The following MAP3K19 variants were observed in gnomAD, a reference collection of about 807,000 sequenced individuals.
The protein encoded by MAP3K19 is SPS1/STE20-related protein kinase YSK4.
MAP3K19 carries 91 observed loss-of-function variants against 114.4 expected under a neutral mutation model. The observed-to-expected ratio is 0.80, with a 90% CI of 0.67 to 0.95. The LOEUF is 0.95. Among genes scored for constraint, MAP3K19 ranks in the 40% least tolerant of loss-of-function variants. MAP3K19 has a pLI of 0.00. For missense variants in MAP3K19, 1,471 were observed against 1,573.2 expected (o/e 0.94, Z 1.10); for synonymous variants, 518 against 530.5 (o/e 0.98, Z 0.32).
intron 2 of MAP3K19, among the ~76,000 whole-genome samples, chr2:135,038,262 T>C (rs1208359761): frequency 6.6e-6 from 1 of 152,096 alleles, no homozygotes; most frequent in Non-Finnish European, 1.5e-5. Context: ...AATTGTGGCA[T>C]ATATATACAT....
intron 5 of MAP3K19, among the ~76,000 whole-genome samples, chr2:135,006,580 C>T (rs576304309): frequency 3.3e-5 from 5 of 150,192 alleles, no homozygotes; most frequent in East Asian, 4.0e-4. Flanking sequence ...GAGGCTGAGG[C>T]GGGTGGATCA....
intron 5 of MAP3K19, among the ~76,000 whole-genome samples, chr2:135,011,180 C>T (rs1687197169): frequency 6.6e-6 from 1 of 152,080 alleles, no homozygotes; most frequent in Admixed American, 6.5e-5. Context: ...TCCATTTCTC[C>T]CTCAAAAAGG....
At position 134,978,189 on chromosome 2, in the gene MAP3K19, A is replaced by AT. The variant is rs113734947; in HGVS notation, c.3920+2631dup. Among the ~76,000 whole-genome samples the AT allele has an allele frequency of 3.1e-3, 431 of 137,182 alleles. 1 individual carries two copies. The highest frequency in any genetic ancestry group is 9.1e-3 in the East Asian group (23 of 2,540). The allele number at this position is 137,182 out of a possible 152,430, so 90.0% of individuals were successfully genotyped here. ...GACTGTAGCAATCAACCTTATAATG[A>AT]TTTTTTTTTTTTTTTGAGACAGAGT... is the stretch of plus-strand genomic sequence containing the variant. On this transcript the variant is annotated intron_variant, in intron 12 of 12. Transcript: ENST00000392915.
rs1187957592 is a variant in MAP3K19, at chr2:134,997,817, C to CAAAAAAA, written c.574+914_574+920dup. Among the ~76,000 whole-genome samples the CAAAAAAA allele has an allele frequency of 1.5e-3, 141 of 91,012 alleles. 4 individuals are homozygous for CAAAAAAA. Among genetic ancestry groups the CAAAAAAA allele is most frequent in the Non-Finnish European group, 2.2e-3 (101 of 45,622 alleles). The allele number at this position is 91,012 out of a possible 152,430, so 59.7% of individuals were successfully genotyped here. A position where few individuals can be genotyped will look rare whatever the true frequency, so the allele number is the denominator to read the frequency against. The stretch of plus-strand genomic sequence containing the variant: ...CTGGTGACAGAGCGAGACTCCGTCT[C>CAAAAAAA]AAAAAAAAAAAAACTTTAAGCACTG... On this transcript the variant is annotated intron_variant, in intron 8 of 12. Coordinates refer to ENST00000392915, the MANE Select transcript of MAP3K19 (RefSeq NM_025052.5).
rs1685264386 is a variant in MAP3K19 at position 134,987,782 on chromosome 2, A to C, written c.1090T>G (p.Ser364Ala). ...TTCTTTCTTGATGAAAGATATTGAG[A>C]GTTCTCTTCTTCAGGTTTTCGCGTT... is the stretch of plus-strand genomic sequence containing the variant. ...SKTRKPEEENSQYLSSRKNES... is the reference protein window; with the variant it reads ...SKTRKPEEENAQYLSSRKNES... The change falls in exon 10 of 13, where the codon TCT (serine) becomes GCT (alanine). Residue 364 changes from serine to alanine, a missense_variant. Coordinates refer to ENST00000392915, the MANE Select transcript of MAP3K19 (RefSeq NM_025052.5). 1 of 1,607,632 alleles carries C rather than the reference A, an allele frequency of 6.2e-7. No homozygotes were observed. Among genetic ancestry groups the C allele is most frequent in the Non-Finnish European group, 8.5e-7 (1 of 1,179,984 alleles).
intron 12 of MAP3K19, among the ~76,000 whole-genome samples, chr2:134,980,345 A>G (rs1301795968): frequency 6.6e-6 from 1 of 152,254 alleles, no homozygotes; most frequent in African/African-American, 2.4e-5. Context: ...ATAGGAGAGA[A>G]GATAAGGAAG....
intron 10 of MAP3K19, among the ~76,000 whole-genome samples, chr2:134,984,688 C>T (rs1461810801): frequency 1.3e-5 from 2 of 152,176 alleles, no homozygotes; most frequent in Non-Finnish European, 2.9e-5. Flanking sequence ...CGCCGTGGCT[C>T]ACGCCTGTAA....
chr2:135,010,692 A>G (rs1206855879), intron 5 of MAP3K19, among the ~76,000 whole-genome samples: 2 of 152,202 alleles, frequency 1.3e-5, no homozygotes, highest in Non-Finnish European at 2.9e-5. Context: ...CAGCAGCACA[A>G]TTATAGTTCA....
Position 134,964,732 on chromosome 2 carries a change from C to G in MAP3K19, c.*118G>C, listed in dbSNP as rs779272114. 1.3e-6 allele frequency: 1 copy of G among 762,926 alleles called. No individual in the cohort carries two copies. 47.3% of individuals were successfully genotyped at this position (762,926 alleles called of 1,614,324 possible). A position where few individuals can be genotyped will look rare whatever the true frequency, so the allele number is the denominator to read the frequency against. On this transcript the variant is annotated 3_prime_UTR_variant, in exon 13 of 13. Transcript: ENST00000392915. Reference sequence around the variant, plus strand: ...TCAGTTAATGACTCCATAGGATCTGCTTAAACTGGGTTAGACTGAATTTTC... The same window carrying G: ...TCAGTTAATGACTCCATAGGATCTGGTTAAACTGGGTTAGACTGAATTTTC...
At chr2:135,037,042 G>A (rs1335700619) in intron 2 of MAP3K19, among the ~76,000 whole-genome samples, 1 of 151,804 alleles carries the variant, frequency 6.6e-6, no homozygotes, top group Non-Finnish European at 1.5e-5. Flanking sequence ...TGTTGCCCAG[G>A]CTGGAGTGCA....
chr2:134,992,073 G>A (rs1325674503), intron 8 of MAP3K19, among the ~76,000 whole-genome samples: 1 of 152,152 alleles, frequency 6.6e-6, no homozygotes, highest in Non-Finnish European at 1.5e-5. Flanking sequence ...ATGCCTCCAG[G>A]AGAAAGATGA....
intron 5 of MAP3K19, among the ~76,000 whole-genome samples, chr2:135,008,820 A>G (rs1687015546): frequency 6.6e-6 from 1 of 152,030 alleles, no homozygotes; most frequent in Non-Finnish European, 1.5e-5. Flanking sequence ...ACTCTGGCAC[A>G]CAGGCTGGAA....
In MAP3K19 at chr2:134,987,715, A is replaced by G. The variant is rs889353724; in HGVS notation, c.1157T>C (p.Ile386Thr). The G allele has an allele frequency of 5.6e-6, 9 of 1,611,986 alleles. No individual in the cohort carries two copies. The highest frequency in any genetic ancestry group is 7.6e-6 in the Non-Finnish European group (9 of 1,180,010). ...GAACTTGCTTGGAATGGTACATACT[A>G]TTTCTGGATCTTGTTCATAGTTTTT... ...VAKNYEQDPE[I>T]VCTIPSKFQE... Residue 386 changes from isoleucine (I) to threonine (T), a missense_variant, in exon 10 of 13, where the codon ATA becomes ACA. Coordinates refer to ENST00000392915, the MANE Select transcript of MAP3K19 (RefSeq NM_025052.5).
chr2:135,011,356 A>T (rs1049709264), intron 5 of MAP3K19, among the ~76,000 whole-genome samples: 2 of 151,416 alleles, frequency 1.3e-5, no homozygotes, highest in African/African-American at 2.4e-5. Context: ...GCTAACACGG[A>T]GAAACCCCGT....
chr2:135,014,872 T>A (rs1480311021), intron 5 of MAP3K19, among the ~76,000 whole-genome samples: 1 of 152,240 alleles, frequency 6.6e-6, no homozygotes, highest in Admixed American at 6.5e-5. Context: ...TAATTTTAGA[T>A]CATTCACTCT....
At chr2:135,041,554 C>A (rs1574060500) in intron 1 of MAP3K19, among the ~76,000 whole-genome samples, 1 of 152,112 alleles carries the variant, frequency 6.6e-6, no homozygotes, top group Non-Finnish European at 1.5e-5. Context: ...GTCTCGAATT[C>A]CTGACCTCAG....
At chr2:134,985,688 C>G in intron 10 of MAP3K19, 112 bp downstream of exon 10, 8 of 977,620 alleles carry the variant, frequency 8.2e-6, no homozygotes, top group Non-Finnish European at 1.2e-5. Context: ...CTTGAAAAAA[C>G]TATTTAATTG....
chr2:134,973,911 T>C (rs1462961449), intron 12 of MAP3K19, among the ~76,000 whole-genome samples: 1 of 152,244 alleles, frequency 6.6e-6, no homozygotes, highest in Non-Finnish European at 1.5e-5. Context: ...TGTGAAAGAC[T>C]TTCTCCATTT....
intron 8 of MAP3K19, among the ~76,000 whole-genome samples, chr2:134,995,228 A>G (rs1047434787): frequency 1.3e-5 from 2 of 151,236 alleles, no homozygotes; most frequent in African/African-American, 4.9e-5. Context: ...AAGAGGGAGA[A>G]TGGCTTCAGC....
Sources: gnomAD v4.1 joint callset for allele counts (sites outside exome capture counted in the v4.1 genomes callset) on GRCh38, gnomAD v4.1.1 for gene constraint, MANE v1.5 for transcripts, NCBI Gene and HGNC (gene_info 2026-07-23, HGNC 2026-07-21) for gene names.